COG1: variants seen among roughly 807,000 people sequenced by gnomAD.
COG1 encodes the protein component of oligomeric golgi complex 1.
A neutral mutation model predicts 102.2 loss-of-function variants in COG1; 61 were observed. The ratio of observed to expected loss-of-function variants is 0.60; its 90% CI spans 0.49 to 0.74. The LOEUF (loss-of-function observed/expected upper bound fraction) is 0.74, where lower values mean the gene tolerates loss of function less well. Among genes scored for constraint, COG1 ranks in the 30% least tolerant of loss-of-function variants. COG1 has a pLI of 0.00. For synonymous variants in COG1, 454 were observed against 493.6 expected (o/e 0.92, Z 1.06); for missense variants, 1,164 against 1,232.1 (o/e 0.94, Z 0.83).
chr17:73,197,482 G>C, intron 4 of COG1, 86 bp downstream of exon 4: 4 of 1,455,988 alleles, frequency 2.7e-6, no homozygotes, highest in Non-Finnish European at 3.8e-6. Context: ...CACCATGCTA[G>C]GCTCTGGGGA....
At position 73,201,132 on chromosome 17, in the gene COG1, C is replaced by T. The variant is rs1568296702; in HGVS notation, c.1305C>T (p.Asp435=). Residue 435 remains aspartate, a synonymous_variant, in exon 7 of 14, where the codon GAC becomes GAT. Transcript: ENST00000299886. ...AGACTCTGACAAAAGAAGGCTTTGACTCCATCTCCAGTAGCTCCAAGGAGC... is the reference window on the plus strand; with the variant it reads ...AGACTCTGACAAAAGAAGGCTTTGATTCCATCTCCAGTAGCTCCAAGGAGC... ...RLQTLTKEGF[D]SISSSSKELL... is the part of the protein sequence containing the mutation. 1 of 1,614,182 alleles carries T rather than the reference C, an allele frequency of 6.2e-7. No homozygotes were observed. The highest frequency in any genetic ancestry group is 2.2e-5 in the East Asian group (1 of 44,892).
chr17:73,205,518 C>A, intron 9 of COG1, 35 bp from the exon 10 acceptor site: 1 of 1,613,608 alleles, frequency 6.2e-7, no homozygotes, highest in Non-Finnish European at 8.5e-7. Context: ...CAAGTCCTCT[C>A]TCTTCATGGG....
rs758500790 is a variant in COG1 at position 73,196,732 on chromosome 17, G to A, written c.541G>A (p.Ala181Thr). Residue 181 changes from alanine to threonine, a missense_variant, in exon 2 of 14, where the codon GCA becomes ACA. Ala to Thr is a moderately conservative substitution (Grantham distance 58, BLOSUM62 0). Transcript: ENST00000299886. ...SRFPILIRQVAAASHFRSTIL... is the reference protein window; with the variant it reads ...SRFPILIRQVTAASHFRSTIL... ...GTTTCCTATACTCATCCGGCAGGTG[G>A]CAGCCGCCAGCCACTTCCGGTAAGT... 6.8e-6 allele frequency: 11 copies of A among 1,613,668 alleles called. No homozygotes were observed. Among genetic ancestry groups the A allele is most frequent in the Non-Finnish European group, 8.5e-6 (10 of 1,180,012 alleles).
chr17:73,205,662 G>C lies in COG1; in HGVS notation c.2492G>C (p.Arg831Pro), dbSNP rs778718320. 2.5e-6 allele frequency: 4 copies of C among 1,613,874 alleles called. No individual in the cohort carries two copies. Among genetic ancestry groups the C allele is most frequent in the Non-Finnish European group, 3.4e-6 (4 of 1,180,014 alleles). The change falls in exon 10 of 14, where the codon CGG becomes CCG. Residue 831 changes from arginine (R) to proline (P), a missense_variant. Transcript: ENST00000299886. ...AAGGGTGACGAGGTGAAGAGTGGCCGGAGCAAGCCAGACTCCAGGTGTCGT... is the reference window on the plus strand; with the variant it reads ...AAGGGTGACGAGGTGAAGAGTGGCCCGAGCAAGCCAGACTCCAGGTGTCGT... Reference protein sequence around the residue: ...TAKGDEVKSGRSKPDSRIEKV... With the variant: ...TAKGDEVKSGPSKPDSRIEKV...
chr17:73,200,154 C>T, intron 5 of COG1, 133 bp downstream of exon 5: 1 of 1,111,684 alleles, frequency 9.0e-7, no homozygotes, highest in Non-Finnish European at 1.3e-6. Context: ...CAGCCAGCCT[C>T]TCACTCTGTG....
intron 7 of COG1, 160 bp from the exon 8 acceptor site, chr17:73,202,840 A>C: frequency 1.3e-6 from 1 of 777,498 alleles, no homozygotes; most frequent in Non-Finnish European, 2.2e-6. Flanking sequence ...CAAAATTCCC[A>C]TGGCTGATAT....
chr17:73,199,184 A>G (rs1262728719), intron 4 of COG1, among the ~76,000 whole-genome samples: 1 of 152,148 alleles, frequency 6.6e-6, no homozygotes, highest in East Asian at 1.9e-4. Flanking sequence ...TTGACAGGTC[A>G]CCTCTGAAGA....
chr17:73,198,633 T>C (rs1185386653), intron 4 of COG1, among the ~76,000 whole-genome samples: 1 of 152,112 alleles, frequency 6.6e-6, no homozygotes, highest in African/African-American at 2.4e-5. Flanking sequence ...GGCTGAGGCC[T>C]TGGAATGGGA....
At chr17:73,206,360 A>T (rs958212428) in intron 11 of COG1, 98 bp downstream of exon 11, 5 of 944,488 alleles carry the variant, frequency 5.3e-6, no homozygotes, top group Non-Finnish European at 6.9e-6. Context: ...AGGATGCAGC[A>T]TAGGGAGGGG....
Position 73,201,913 on chromosome 17 carries a change from A to G in COG1, c.2073+13A>G, listed in dbSNP as rs377565721. ...TGCAGTTGTGAAAGTGAGTGATGTAATTTCTTATCCCTGTCTTGTCTCACT... is the reference window on the plus strand; with the variant it reads ...TGCAGTTGTGAAAGTGAGTGATGTAGTTTCTTATCCCTGTCTTGTCTCACT... On this transcript the variant is annotated intron_variant, in intron 7 of 13. Transcript: ENST00000299886. The G allele has an allele frequency of 1.9e-6, 3 of 1,612,438 alleles. No homozygotes were observed. Among genetic ancestry groups the G allele is most frequent in the Non-Finnish European group, 2.5e-6 (3 of 1,178,878 alleles).
intron 13 of COG1, 168 bp from the exon 14 acceptor site, chr17:73,208,146 T>G (rs1354465079): frequency 6.6e-7 from 1 of 1,512,918 alleles, no homozygotes; most frequent in South Asian, 1.2e-5. Context: ...TGCTGTTCCG[T>G]GTCCTCTTCA....
intron 4 of COG1, among the ~76,000 whole-genome samples, chr17:73,198,957 A>G (rs1048979754): frequency 6.6e-6 from 1 of 152,004 alleles, no homozygotes; most frequent in African/African-American, 2.4e-5. Context: ...TTATCTTTCA[A>G]CTCCACCTCC....
Position 73,197,070 on chromosome 17 carries a change from A to G in COG1, c.731A>G (p.Gln244Arg), listed in dbSNP as rs899429756. Residue 244 changes from glutamine to arginine, a missense_variant, in exon 3 of 14, where the codon CAG becomes CGG. Physicochemically the swap from Gln to Arg is conservative, Grantham distance 43. Coordinates refer to ENST00000299886, the MANE Select transcript of COG1 (RefSeq NM_018714.3). ...GCAACTATTCAGAAACTTCTCAACC[A>G]GCCACACCATGGTGGGTGTGGCTTC... The part of the protein sequence containing the change: ...RKATIQKLLN[Q>R]PHHGAGIKAQ... The G allele has an allele frequency of 6.2e-7, 1 of 1,614,184 alleles. No homozygotes were observed. Among genetic ancestry groups the G allele is most frequent in the South Asian group, 1.1e-5 (1 of 91,086 alleles).
Position 73,205,604 on chromosome 17 carries a change from G to C in COG1, c.2434G>C (p.Asp812His). The change falls in exon 10 of 14, where the codon GAT becomes CAT. Residue 812 changes from aspartate to histidine, a missense_variant. Asp to His is a moderately conservative substitution (Grantham distance 81). Coordinates refer to ENST00000299886, the MANE Select transcript of COG1 (RefSeq NM_018714.3). ...GAACCGGGCGCTGCAGCTGCTTTATGATCTGCGTTACCTCAACATTGTTCT... is the reference window on the plus strand; with the variant it reads ...GAACCGGGCGCTGCAGCTGCTTTATCATCTGCGTTACCTCAACATTGTTCT... ...TQNRALQLLYDLRYLNIVLTA... is the reference protein window; with the variant it reads ...TQNRALQLLYHLRYLNIVLTA... 1.2e-6 allele frequency: 2 copies of C among 1,614,164 alleles called. No individual in the cohort carries two copies. Among genetic ancestry groups the C allele is most frequent in the Non-Finnish European group, 1.7e-6 (2 of 1,180,032 alleles).
intron 9 of COG1, chr17:73,205,087 T>C: frequency 4.6e-6 from 1 of 216,244 alleles, no homozygotes; most frequent in East Asian, 1.2e-4. Flanking sequence ...TGCTTGAACC[T>C]GGGAGGTGGA....
At position 73,196,955 on chromosome 17, in the gene COG1, C is replaced by G; in HGVS notation, c.616C>G (p.Gln206Glu). 2 of 1,614,178 alleles carry G rather than the reference C, an allele frequency of 1.2e-6. No homozygotes were observed. The highest frequency in any genetic ancestry group is 1.7e-6 in the Non-Finnish European group (2 of 1,180,034). ...GCTCAAATGCCAAGGTGTGTCTGAC[C>G]AAGCTGTGGCCGAGGCCCTGTGCTC... Reference protein sequence around the residue: ...MLLKCQGVSDQAVAEALCSIM... With the variant: ...MLLKCQGVSDEAVAEALCSIM... The change falls in exon 3 of 14, where the codon CAA becomes GAA. Residue 206 changes from glutamine to glutamate, a missense_variant. Coordinates refer to ENST00000299886, the MANE Select transcript of COG1 (RefSeq NM_018714.3).
At chr17:73,207,092 C>CAAAAAAAAGAA (rs2061379079) in intron 12 of COG1, 89 bp from the exon 13 acceptor site, 1 of 684,708 alleles carries the variant, frequency 1.5e-6, no homozygotes, top group African/African-American at 2.7e-5. Flanking sequence ...GACTCTGTCT[C>CAAAAAAAAGAA]AAAAAAAAAA....
intron 9 of COG1, chr17:73,205,199 A>G: frequency 3.2e-6 from 1 of 308,652 alleles, no homozygotes. Flanking sequence ...AAAACCCAAG[A>G]AGGAACAAAT....
At chr17:73,196,331 C>A (rs954918376) in intron 1 of COG1, among the ~76,000 whole-genome samples, 176 bp from the exon 2 acceptor site, 1 of 152,172 alleles carries the variant, frequency 6.6e-6, no homozygotes, top group African/African-American at 2.4e-5. Flanking sequence ...TCTTACAACA[C>A]TCCTGACTCT....
Sources: allele counts gnomAD v4.1 joint callset (sites outside exome capture counted in the v4.1 genomes callset), GRCh38; gene constraint gnomAD v4.1.1; transcripts MANE v1.5; gene names NCBI Gene and HGNC (gene_info 2026-07-23, HGNC 2026-07-21).